The following TPO variants were observed in gnomAD, a reference collection of about 807,000 sequenced individuals.
TPO encodes the protein thyroid microsomal antigen.
In TPO, 78 loss-of-function variants were observed where a neutral mutation model predicts 96.9. The observed-to-expected ratio is 0.81, with a 90% CI of 0.67 to 0.97. The LOEUF (loss-of-function observed/expected upper bound fraction) is 0.97, where lower values mean the gene tolerates loss of function less well. Among genes scored for constraint, TPO ranks in the 50% least tolerant of loss-of-function variants. The pLI is 0.00. For missense variants in TPO, 1,252 were observed against 1,274.8 expected, an observed-to-expected ratio of 0.98 and a Z score of 0.27; for synonymous variants, 547 against 538.0, an observed-to-expected ratio of 1.02 and a Z score of -0.23.
chr2:1,423,661 A>C (rs964622819), intron 3 of TPO, among the ~76,000 whole-genome samples: 1 of 152,224 alleles, frequency 6.6e-6, no homozygotes, highest in Admixed American at 6.5e-5. Context: ...AAACCTGTAA[A>C]GCAGTTTGCC....
At chr2:1,466,165 T>C (rs1434599264) in intron 7 of TPO, among the ~76,000 whole-genome samples, 1 of 152,236 alleles carries the variant, frequency 6.6e-6, no homozygotes, top group Non-Finnish European at 1.5e-5. Flanking sequence ...ATTTCTGCTT[T>C]TGATTCTGCT....
At chr2:1,396,060 G>C (rs573002117) in intron 1 of TPO, among the ~76,000 whole-genome samples, 259 of 152,342 alleles carry the variant, frequency 1.7e-3, no homozygotes, top group Non-Finnish European at 3.2e-3. Flanking sequence ...GATGCTTCCT[G>C]TGAGCTGCCA....
chr2:1,468,549 T>C (rs1280684797), intron 7 of TPO, among the ~76,000 whole-genome samples: 3 of 152,230 alleles, frequency 2.0e-5, no homozygotes, highest in African/African-American at 4.8e-5. Context: ...CCCTTCTAGC[T>C]TGTAGGGTTT....
chr2:1,496,623 G>A lies in TPO; in HGVS notation c.2244G>A (p.Val748=), dbSNP rs1672378236. 6.2e-7 allele frequency: 1 copy of A among 1,613,882 alleles called. No individual in the cohort carries two copies. Among genetic ancestry groups the A allele is most frequent in the Non-Finnish European group, 8.5e-7 (1 of 1,179,976 alleles). ...ACAAGTGTGGCTTCCCAGAGAGCGTGGAGAATGGGGACTTTGTGCACTGTG... is the reference window on the plus strand; with the variant it reads ...ACAAGTGTGGCTTCCCAGAGAGCGTAGAGAATGGGGACTTTGTGCACTGTG... ...QDDKCGFPES[V]ENGDFVHCEE... The change falls in exon 13 of 17, where the codon GTG becomes GTA. Residue 748 remains valine (V), a synonymous_variant. Coordinates refer to ENST00000329066, the MANE Select transcript of TPO (RefSeq NM_001206744.2).
At chr2:1,441,303 A>G (rs1352826657) in intron 5 of TPO, among the ~76,000 whole-genome samples, 1 of 152,202 alleles carries the variant, frequency 6.6e-6, no homozygotes, top group Non-Finnish European at 1.5e-5. Context: ...AGGACGTACC[A>G]TGTTGGAAGA....
chr2:1,489,137 C>T (rs1671458386), intron 10 of TPO, among the ~76,000 whole-genome samples: 1 of 151,376 alleles, frequency 6.6e-6, no homozygotes, highest in Admixed American at 6.6e-5. Context: ...CCACACATGA[C>T]CAGCACATGC....
intron 15 of TPO, among the ~76,000 whole-genome samples, chr2:1,539,262 T>G (rs1418694940): frequency 5.9e-5 from 9 of 152,226 alleles, no homozygotes; most frequent in African/African-American, 2.2e-4. Context: ...AAGCTGGCAT[T>G]GGTGCTAACT....
intron 14 of TPO, among the ~76,000 whole-genome samples, chr2:1,508,157 C>T (rs1185877870): frequency 6.6e-6 from 1 of 152,016 alleles, no homozygotes; most frequent in African/African-American, 2.4e-5. Context: ...TGGTTTTTGT[C>T]TTTGATTCTG....
At chr2:1,397,039 G>T (rs910087524) in intron 1 of TPO, among the ~76,000 whole-genome samples, 2 of 152,084 alleles carry the variant, frequency 1.3e-5, no homozygotes, top group Non-Finnish European at 2.9e-5. Flanking sequence ...GTACTCACTT[G>T]CTGTTGGAAC....
intron 2 of TPO, among the ~76,000 whole-genome samples, chr2:1,416,280 G>C (rs1662954481): frequency 6.6e-6 from 1 of 152,174 alleles, no homozygotes; most frequent in South Asian, 2.1e-4. Flanking sequence ...CATGCTAGAT[G>C]TTCAGCCAAT....
chr2:1,520,857 G>A (rs1399004204), intron 15 of TPO, among the ~76,000 whole-genome samples: 4 of 152,204 alleles, frequency 2.6e-5, no homozygotes, highest in Admixed American at 1.3e-4. Flanking sequence ...GATTTCTTCA[G>A]ATCCGGCTTT....
chr2:1,542,443 G>C lies in TPO; in HGVS notation c.2771G>C (p.Arg924Pro). Residue 924 changes from arginine (R) to proline (P), a missense_variant, in exon 17 of 17, where the codon CGG becomes CCG. Transcript: ENST00000329066. ...SEQESAGMEG[R>P]DTHRLPRAL ...CAGGAGAGTGCTGGGATGGAAGGCC[G>C]GGATACTCACAGGCTGCCGAGAGCC... 1 of 1,614,174 alleles carries C rather than the reference G, an allele frequency of 6.2e-7. No individual in the cohort carries two copies. The highest frequency in any genetic ancestry group is 1.1e-5 in the South Asian group (1 of 91,070).
rs6718027 is a variant in TPO at position 1,463,704 on chromosome 2, C to T, written c.819+7422C>T. 9.8e-3 allele frequency among the ~76,000 whole-genome samples: 1,496 copies of T among 152,222 alleles called. 25 individuals carry two copies. The highest frequency in any genetic ancestry group is 0.034 in the African/African-American group (1,393 of 41,506). The stretch of plus-strand genomic sequence containing the variant: ...TTCATGACCTTGCTCCTTCTGGTCT[C>T]GGCTAAGTGGGGGTGCAGGCAGCCC... On this transcript the variant is annotated intron_variant, in intron 7 of 16. Coordinates refer to ENST00000329066, the MANE Select transcript of TPO (RefSeq NM_001206744.2).
intron 12 of TPO, 46 bp from the exon 13 acceptor site, chr2:1,496,549 C>G (rs1385443018): frequency 6.2e-7 from 1 of 1,611,964 alleles, no homozygotes; most frequent in Non-Finnish European, 8.5e-7. Flanking sequence ...GTGTGGTTTT[C>G]TTTTCTCGTA....
chr2:1,458,093 G>T (rs539385454), intron 7 of TPO, among the ~76,000 whole-genome samples: 3 of 151,342 alleles, frequency 2.0e-5, no homozygotes, highest in African/African-American at 7.3e-5. Context: ...TTGTGGGCAC[G>T]TGCGTTTATG....
At position 1,388,697 on chromosome 2, in the gene TPO, C is replaced by T. The variant is rs539721233; in HGVS notation, n.180+14295C>T. ...GCCTCGCCCTGCTTTGGCTCACACT[C>T]GGTGTGCTGCATGCACTGTCCTGCA... On this transcript the variant is annotated intron_variant and non_coding_transcript_variant, in intron 1 of 5. Transcript: ENST00000497517. Among the ~76,000 whole-genome samples, 65 of 152,328 alleles carry T rather than the reference C, an allele frequency of 4.3e-4. 1 individual carries two copies. Among genetic ancestry groups the T allele is most frequent in the African/African-American group, 1.3e-3 (55 of 41,584 alleles).
intron 13 of TPO, among the ~76,000 whole-genome samples, chr2:1,498,219 T>C (rs1306231304): frequency 6.6e-6 from 1 of 152,204 alleles, no homozygotes; most frequent in East Asian, 1.9e-4. Context: ...CCCTCAGTCA[T>C]AAAGGGAGAG....
At chr2:1,422,397 C>CAGGCGCCGCGCTGGACTGACCTCGTG (rs1467468825) in intron 2 of TPO, among the ~76,000 whole-genome samples, 1 of 54,878 alleles carries the variant, frequency 1.8e-5, no homozygotes, top group Non-Finnish European at 3.4e-5. Context: ...CCGCGCTGGG[C>CAGGCGCCGCGCTGGACTGACCTCGTG]CATGGGGAGA....
chr2:1,515,072 C>G (rs773719795), intron 14 of TPO, among the ~76,000 whole-genome samples: 2 of 152,222 alleles, frequency 1.3e-5, no homozygotes, highest in Non-Finnish European at 2.9e-5. Context: ...ATGTCAAACA[C>G]CAATTCCAGA....
Sources: allele counts gnomAD v4.1 joint callset (sites outside exome capture counted in the v4.1 genomes callset), GRCh38; gene constraint gnomAD v4.1.1; transcripts MANE v1.5; gene names NCBI Gene and HGNC (gene_info 2026-07-23, HGNC 2026-07-21).